The following PKD1L3 variants were observed in gnomAD, a reference collection of about 807,000 sequenced individuals.
PKD1L3 encodes polycystin-1-like protein 3.
Under a neutral mutation model 184.1 loss-of-function variants are expected in PKD1L3, and 239 were observed. The ratio of observed to expected loss-of-function variants is 1.30; its 90% CI spans 1.17 to 1.45. The LOEUF is 1.45. Ranked by LOEUF, PKD1L3 falls within the 40% of genes most tolerant of loss-of-function variation. The pLI, the probability that PKD1L3 is intolerant of heterozygous loss-of-function variation, is 0.00. For synonymous variants in PKD1L3, 996 were observed against 778.8 expected (o/e 1.28, Z -4.64); for missense variants, 2,660 against 2,067.2 (o/e 1.29, Z -5.56).
intron 11 of PKD1L3, among the ~76,000 whole-genome samples, chr16:71,975,333 C>T (rs773997415): frequency 4.6e-5 from 7 of 151,640 alleles, no homozygotes; most frequent in Non-Finnish European, 7.4e-5. Flanking sequence ...GCTGGCGTTA[C>T]AGGGGTGAGC....
rs145218203 is a variant in PKD1L3 at position 71,945,528 on chromosome 16, G to A, written c.3719-1358C>T. 3.1e-3 allele frequency among the ~76,000 whole-genome samples: 473 copies of A among 151,092 alleles called. 5 individuals are homozygous for A. Among genetic ancestry groups the A allele is most frequent in the African/African-American group, 0.011 (452 of 41,182 alleles). On this transcript the variant is annotated intron_variant, in intron 22 of 29. Transcript: ENST00000620267. ...AACTTGTCTCTACTAAAAATAAAAA[G>A]TTATCCAGGCGTGGTGGAGTGCACC... is the stretch of plus-strand genomic sequence containing the variant.
intron 4 of PKD1L3, among the ~76,000 whole-genome samples, chr16:71,988,555 C>G (rs12600121): frequency 0.56 from 84,947 of 151,746 alleles, 24,593 homozygotes; most frequent in African/African-American, 0.7. Flanking sequence ...TCGTGGTGAC[C>G]ATGGTGAGAA....
In PKD1L3 at chr16:71,969,991, G is replaced by A. The variant is rs141635878; in HGVS notation, c.2068C>T (p.Leu690=). ...GGATTGTTGGTCACGCGAAGGAACA[G>A]TTTGATCGTGTCTTCAACATTCACG... ...RTVNVEDTIK[L]FLRVTNNPVG... is the part of the protein sequence containing the mutation. The change falls in exon 13 of 30, where the codon CTG becomes TTG. Residue 690 remains leucine (L), a synonymous_variant. Transcript: ENST00000620267. 136 of 1,551,782 alleles carry A rather than the reference G, an allele frequency of 8.8e-5. No individual in the cohort carries two copies. In the East Asian group the frequency reaches 3.2e-3, roughly 37 times the overall value.
At chr16:71,962,622 G>T (rs1409428374) in intron 16 of PKD1L3, among the ~76,000 whole-genome samples, 1 of 152,084 alleles carries the variant, frequency 6.6e-6, no homozygotes, top group African/African-American at 2.4e-5. Context: ...GAGTAGCTGG[G>T]ATCACAGGTG....
At chr16:71,951,828 C>G (rs1355788814) in intron 18 of PKD1L3, 84 bp from the exon 19 acceptor site, 1 of 1,277,584 alleles carries the variant, frequency 7.8e-7, no homozygotes. Context: ...AAGGCCGTTC[C>G]CTTTCGTCAG....
intron 28 of PKD1L3, among the ~76,000 whole-genome samples, chr16:71,932,763 G>A (rs967988641): frequency 4.8e-5 from 7 of 146,440 alleles, no homozygotes; most frequent in East Asian, 4.0e-4. Flanking sequence ...TTATAGGCAT[G>A]AGCCACCGCA....
intron 24 of PKD1L3, among the ~76,000 whole-genome samples, chr16:71,939,527 T>C (rs1226393368): frequency 6.6e-6 from 1 of 152,242 alleles, no homozygotes; most frequent in East Asian, 1.9e-4. Context: ...GAATTTCTAT[T>C]TCACCTAGCT....
At position 71,969,766 on chromosome 16, in the gene PKD1L3, C is replaced by T. The variant is rs2039640156; in HGVS notation, c.2184+109G>A. On this transcript the variant is annotated intron_variant, in intron 13 of 29. Transcript: ENST00000620267. ...GAAAAGTTTCACTTGAATTTCTATG[C>T]CTCCCAGTACCAGGCTTCCTGCTGC... 6.5e-6 allele frequency: 6 copies of T among 928,772 alleles called. 1 individual carries two copies. Among genetic ancestry groups the T allele is most frequent in the Admixed American group, 3.1e-5 (1 of 32,716 alleles). 57.5% of individuals were successfully genotyped at this position (928,772 alleles called of 1,614,324 possible). A position where few individuals can be genotyped will look rare whatever the true frequency, so the allele number is the denominator to read the frequency against.
At chr16:71,949,321 C>T (rs1436543958) in intron 21 of PKD1L3, among the ~76,000 whole-genome samples, 2 of 147,898 alleles carry the variant, frequency 1.4e-5, no homozygotes, top group African/African-American at 2.5e-5. Flanking sequence ...TTATCCCTAA[C>T]AAATGTCAGT....
chr16:71,954,945 T>G (rs1455050114), intron 16 of PKD1L3, among the ~76,000 whole-genome samples: 4 of 152,072 alleles, frequency 2.6e-5, no homozygotes, highest in African/African-American at 9.7e-5. Context: ...AAAGCCAACT[T>G]CATTGCTAGA....
intron 12 of PKD1L3, among the ~76,000 whole-genome samples, chr16:71,971,994 A>G (rs1447561573): frequency 6.6e-6 from 1 of 152,156 alleles, no homozygotes; most frequent in African/African-American, 2.4e-5. Flanking sequence ...AGGCAGGCGG[A>G]TCACGAGGAC....
intron 4 of PKD1L3, among the ~76,000 whole-genome samples, chr16:71,987,286 T>TG (rs1241345847): frequency 1.3e-5 from 2 of 151,336 alleles, no homozygotes; most frequent in African/African-American, 4.9e-5. Flanking sequence ...AGTGGCACAA[T>TG]CATGGCTCCT....
chr16:71,945,299 TATATATACACACACACACACAC>T (rs1400379059), intron 22 of PKD1L3, among the ~76,000 whole-genome samples: 846 of 65,714 alleles, frequency 0.013, 26 homozygotes, highest in East Asian at 0.13. Context: ...TATATATATA[TATATATACACACACACACACAC>T]ATATATACAC....
At chr16:71,961,147 A>G (rs2039262842) in intron 16 of PKD1L3, among the ~76,000 whole-genome samples, 1 of 151,556 alleles carries the variant, frequency 6.6e-6, no homozygotes, top group Admixed American at 6.6e-5. Context: ...TTGTTTTGAG[A>G]TGGAGTCTTC....
intron 28 of PKD1L3, 111 bp downstream of exon 28, chr16:71,933,309 C>T (rs1748011505): frequency 1.3e-6 from 1 of 772,434 alleles, no homozygotes; most frequent in South Asian, 1.6e-5. Context: ...CTGAAATTTT[C>T]CCCCTTTTCC....
At chr16:71,977,826 G>C (rs1295548333) in intron 10 of PKD1L3, among the ~76,000 whole-genome samples, 1 of 152,114 alleles carries the variant, frequency 6.6e-6, no homozygotes, top group Non-Finnish European at 1.5e-5. Flanking sequence ...CCAGGCTGGT[G>C]TGCAGCAGTG....
At chr16:71,991,085 G>A (rs2143846764) in intron 3 of PKD1L3, 1 of 155,392 alleles carries the variant, frequency 6.4e-6, no homozygotes, top group African/African-American at 2.4e-5. Flanking sequence ...AGATGACAGT[G>A]ATTGATACAG....
At position 71,968,079 on chromosome 16, in the gene PKD1L3, G is replaced by C. The variant is rs2039569091; in HGVS notation, c.2185-72C>G. 6.5e-6 allele frequency: 8 copies of C among 1,238,052 alleles called. No individual in the cohort carries two copies. The South Asian group carries it at 9.5e-5, about 15-fold the overall frequency. The allele number at this position is 1,238,052 out of a possible 1,614,324, so 76.7% of individuals were successfully genotyped here. ...ATAGTTCCTGCCTCCTCCAGCTGAG[G>C]AGCAGGAGGATGAACTCCGGCAGGT... On this transcript the variant is annotated intron_variant, in intron 13 of 29. Coordinates refer to ENST00000620267, the MANE Select transcript of PKD1L3 (RefSeq NM_181536.2).
chr16:71,970,340 T>C (rs1182830583), intron 12 of PKD1L3, among the ~76,000 whole-genome samples: 1 of 152,196 alleles, frequency 6.6e-6, no homozygotes, highest in East Asian at 1.9e-4. Context: ...TGTATACATG[T>C]TCTAGGGGAA....
Sources: allele counts gnomAD v4.1 joint callset (sites outside exome capture counted in the v4.1 genomes callset), GRCh38; gene constraint gnomAD v4.1.1; transcripts MANE v1.5; gene names NCBI Gene and HGNC (gene_info 2026-07-23, HGNC 2026-07-21).